Variants in CAPN8 observed in about 807,000 individuals in gnomAD.
The protein encoded by CAPN8 is calpain 8, also known as calpain-8.
A neutral mutation model predicts 80.9 loss-of-function variants in CAPN8; 87 were observed. That is an observed-to-expected ratio of 1.07 (90% confidence interval 0.90 to 1.28). The LOEUF (loss-of-function observed/expected upper bound fraction) is 1.28, where lower values mean the gene tolerates loss of function less well. Ranked by LOEUF, CAPN8 falls within the 50% of genes most tolerant of loss-of-function variation. The pLI, the probability that CAPN8 is intolerant of heterozygous loss-of-function variation, is 0.00. For missense variants in CAPN8, 757 were observed against 702.0 expected, an observed-to-expected ratio of 1.08 and a Z score of -0.89; for synonymous variants, 299 against 273.8, an observed-to-expected ratio of 1.09 and a Z score of -0.91.
chr1:223,550,196 A>G (rs937693377), intron 15 of CAPN8, among the ~76,000 whole-genome samples: 1 of 152,186 alleles, frequency 6.6e-6, no homozygotes, highest in Admixed American at 6.5e-5. Flanking sequence ...CAACTGCAGG[A>G]GCAAGAGTGG....
Position 223,618,418 on chromosome 1 carries a change from G to C in CAPN8, c.1135+875C>G, listed in dbSNP as rs1386553989. 13 of 1,186,576 alleles carry C rather than the reference G, an allele frequency of 1.1e-5. No individual in the cohort carries two copies. In the Admixed American group the frequency reaches 2.8e-4, roughly 26 times the overall value. The allele number at this position is 1,186,576 out of a possible 1,614,324, so 73.5% of individuals were successfully genotyped here. On this transcript the variant is annotated intron_variant, in intron 9 of 20. Coordinates refer to ENST00000366872, the MANE Select transcript of CAPN8 (RefSeq NM_001143962.2). ...ACCAGGGTCTGAGTCCCCATGACAC[G>C]CATGCCCTGTGTGTGGCCATCACGG...
intron 2 of CAPN8, among the ~76,000 whole-genome samples, chr1:223,640,257 G>T (rs1857546): frequency 1 from 151,949 of 152,336 alleles, 75,782 homozygotes; most frequent in Middle Eastern, 1. Flanking sequence ...CCTAGCTTAG[G>T]GCCTGCCACA....
chr1:223,628,101 G>T lies in CAPN8; in HGVS notation c.468C>A (p.Asp156Glu). Residue 156 changes from aspartate (D) to glutamate (E), a missense_variant, in exon 4 of 21, where the codon GAC (aspartate) becomes GAA (glutamate). By Grantham distance (45) the Asp-to-Glu change is conservative. Coordinates refer to ENST00000366872, the MANE Select transcript of CAPN8 (RefSeq NM_001143962.2). ...GCTGTCCATTCTTGGTGGGCAGCCT[G>T]TCGTCAATGACCACCTCCACCCACT... is the stretch of plus-strand genomic sequence containing the variant. Reference protein sequence around the residue: ...YGEWVEVVIDDRLPTKNGQLL... With the variant: ...YGEWVEVVIDERLPTKNGQLL... 5 of 1,551,182 alleles carry T rather than the reference G, an allele frequency of 3.2e-6. No homozygotes were observed. The highest frequency in any genetic ancestry group is 4.4e-6 in the Non-Finnish European group (5 of 1,146,840).
chr1:223,628,709 T>C lies in CAPN8; in HGVS notation c.379A>G (p.Arg127Gly). The C allele has an allele frequency of 6.4e-7, 1 of 1,551,844 alleles. No individual in the cohort carries two copies. The highest frequency in any genetic ancestry group is 1.2e-5 in the South Asian group (1 of 84,068). Residue 127 changes from arginine to glycine, a missense_variant, in exon 3 of 21, where the codon AGG becomes GGG. Transcript: ENST00000366872. Reference sequence around the variant, plus strand: ...TAGTTCTCCTGGAAGTCCTGGTCCCTGGGGACCACCCGGTAAAGCAGCTCT... The same window carrying C: ...TAGTTCTCCTGGAAGTCCTGGTCCCCGGGGACCACCCGGTAAAGCAGCTCT... ...NEELLYRVVP[R>G]DQDFQENYAG...
chr1:223,627,073 A>G lies in CAPN8; in HGVS notation c.645T>C (p.Tyr215=), dbSNP rs375217546. ...GATTGGCTGGTGGTTTCTTCAGGTC[A>G]TAAAACTCAGAGATGCCACCTGTGA... is the stretch of plus-strand genomic sequence containing the variant. ...EDFTGGISEF[Y]DLKKPPANLY... Residue 215 remains tyrosine (Y), a synonymous_variant, in exon 5 of 21, where the codon TAT becomes TAC. Coordinates refer to ENST00000366872, the MANE Select transcript of CAPN8 (RefSeq NM_001143962.2). 20 of 1,552,114 alleles carry G rather than the reference A, an allele frequency of 1.3e-5. No individual in the cohort carries two copies. Among genetic ancestry groups the G allele is most frequent in the Non-Finnish European group, 1.7e-5 (19 of 1,147,082 alleles).
intron 6 of CAPN8, among the ~76,000 whole-genome samples, chr1:223,623,998 G>A (rs367892177): frequency 3.0e-4 from 40 of 132,224 alleles, no homozygotes; most frequent in Admixed American, 3.8e-4. Context: ...GACTCCACCT[G>A]AAAAAAAAAA....
At chr1:223,641,956 C>T (rs570516294) in intron 2 of CAPN8, among the ~76,000 whole-genome samples, 5 of 152,350 alleles carry the variant, frequency 3.3e-5, no homozygotes, top group African/African-American at 7.2e-5. Flanking sequence ...CCACAACCAA[C>T]GGTACTTCAA....
At chr1:223,661,629 C>G (rs1035937640) in intron 1 of CAPN8, among the ~76,000 whole-genome samples, 10 of 152,066 alleles carry the variant, frequency 6.6e-5, no homozygotes, top group African/African-American at 2.4e-4. Flanking sequence ...GAGTGAAACT[C>G]CATCTCAAAA....
intron 12 of CAPN8, among the ~76,000 whole-genome samples, chr1:223,558,640 G>A (rs1656957434): frequency 6.6e-6 from 1 of 152,010 alleles, no homozygotes; most frequent in South Asian, 2.1e-4. Context: ...TAGTGTGTAT[G>A]TGGTATGAGT....
At chr1:223,651,318 T>C (rs897765920) in intron 2 of CAPN8, among the ~76,000 whole-genome samples, 2 of 152,162 alleles carry the variant, frequency 1.3e-5, no homozygotes, top group African/African-American at 2.4e-5. Flanking sequence ...TAAATGGAGG[T>C]AAAATCATAC....
At chr1:223,659,961 G>C (rs191251467) in intron 1 of CAPN8, among the ~76,000 whole-genome samples, 1 of 152,230 alleles carries the variant, frequency 6.6e-6, no homozygotes, top group African/African-American at 2.4e-5. Flanking sequence ...ATGAGCCAAA[G>C]CTCCACAAAG....
intron 1 of CAPN8, among the ~76,000 whole-genome samples, chr1:223,656,676 G>GTTTTTTTTTTTT (rs201821198): frequency 1.5e-4 from 13 of 88,336 alleles, no homozygotes; most frequent in East Asian, 4.2e-4. Flanking sequence ...GGGTTTTTTT[G>GTTTTTTTTTTTT]TTTTGTTTTT....
chr1:223,543,917 C>T, intron 19 of CAPN8, 150 bp downstream of exon 19: 1 of 610,408 alleles, frequency 1.6e-6, no homozygotes, highest in Non-Finnish European at 3.0e-6. Flanking sequence ...CCCTCGCCCC[C>T]AAGGTGCCAG....
intron 20 of CAPN8, among the ~76,000 whole-genome samples, chr1:223,542,721 G>T (rs1296842799): frequency 1.3e-5 from 2 of 152,238 alleles, no homozygotes; most frequent in East Asian, 3.9e-4. Context: ...TGTTCATTTT[G>T]CATCTTCATT....
In CAPN8 at chr1:223,628,139, A is replaced by T; in HGVS notation, c.430T>A (p.Trp144Arg). ...ACCTCCACCCACTCTCCGTACTGCC[A>T]GAACTGGGGAGGGGGGACACAGCGG... ...NYAGIFHFQF[W>R]QYGEWVEVVI... The change falls in exon 4 of 21, where the codon TGG (tryptophan) becomes AGG (arginine). Residue 144 changes from tryptophan (W) to arginine (R), a missense_variant. Coordinates refer to ENST00000366872, the MANE Select transcript of CAPN8 (RefSeq NM_001143962.2). The T allele has an allele frequency of 6.5e-7, 1 of 1,543,656 alleles. No homozygotes were observed. The highest frequency in any genetic ancestry group is 1.2e-5 in the South Asian group (1 of 83,638).
At chr1:223,643,015 CT>C (rs140637579) in intron 2 of CAPN8, among the ~76,000 whole-genome samples, 120 of 152,316 alleles carry the variant, frequency 7.9e-4, no homozygotes, top group African/African-American at 2.9e-3. Context: ...ATATTTGAGG[CT>C]TATGTAAACA....
At chr1:223,619,240 G>C in intron 9 of CAPN8, 53 bp downstream of exon 9, 3 of 1,542,968 alleles carry the variant, frequency 1.9e-6, no homozygotes, top group Non-Finnish European at 1.8e-6. Flanking sequence ...AAATGACCCA[G>C]CTCAGGGAGG....
At position 223,660,860 on chromosome 1, in the gene CAPN8, C is replaced by T. The variant is rs146228639; in HGVS notation, c.237+4550G>A. 6.9e-3 allele frequency among the ~76,000 whole-genome samples: 1,055 copies of T among 152,194 alleles called. 14 individuals are homozygous for T. The highest frequency in any genetic ancestry group is 0.022 in the African/African-American group (912 of 41,540). ...AGCAGCAGTGAAATAAAAAAGCAAA[C>T]GACACAATTAAAAATGGGCAAAGGG... On this transcript the variant is annotated intron_variant, in intron 1 of 20. Transcript: ENST00000366872.
At chr1:223,629,009 C>G (rs1657691435) in intron 2 of CAPN8, 1 of 524,350 alleles carries the variant, frequency 1.9e-6, no homozygotes, top group Non-Finnish European at 3.4e-6. Context: ...TGTGGCTGCC[C>G]CCTCCCCCAC....
Sources: gnomAD v4.1 joint callset for allele counts (sites outside exome capture counted in the v4.1 genomes callset) on GRCh38, gnomAD v4.1.1 for gene constraint, MANE v1.5 for transcripts, NCBI Gene and HGNC (gene_info 2026-07-23, HGNC 2026-07-21) for gene names.